AKR1E2: variants seen among roughly 807,000 people sequenced by gnomAD.
AKR1E2 encodes the protein aldo-keto reductase family 1 member E2, also known as 1,5-anhydro-D-fructose reductase.
AKR1E2 carries 43 observed loss-of-function variants against 41.9 expected under a neutral mutation model. The observed-to-expected ratio is 1.03, with a 90% CI of 0.80 to 1.32. AKR1E2 has a LOEUF of 1.32. Ranked by LOEUF, AKR1E2 falls within the 40% of genes most tolerant of loss-of-function variation. AKR1E2 has a pLI of 0.00. For synonymous variants in AKR1E2, 121 were observed against 138.9 expected, an observed-to-expected ratio of 0.87 and a Z score of 0.91; for missense variants, 423 against 396.5, an observed-to-expected ratio of 1.07 and a Z score of -0.57.
At chr10:4,868,209 CAG>C in the AKR1E2 span, among the ~76,000 whole-genome samples, 1 of 152,120 alleles carries the variant, frequency 6.6e-6, no homozygotes, top group East Asian at 1.9e-4. Context: ...TTTTTTCCCA[CAG>C]AGAGAAGTTC....
At position 4,847,317 on chromosome 10, in the gene AKR1E2, T is replaced by G. The variant is rs1834406634; in HGVS notation, c.920+87T>G. 5.0e-6 allele frequency: 8 copies of G among 1,584,942 alleles called. No homozygotes were observed. In the South Asian group the frequency reaches 9.2e-5, roughly 18 times the overall value. ...CTGAATAGGTATTTATCATACACAT[T>G]TTAGATTAATTAAACTTTCTCATTA... is the stretch of plus-strand genomic sequence containing the variant. On this transcript the variant is annotated intron_variant, in intron 9 of 9. Coordinates refer to ENST00000298375, the MANE Select transcript of AKR1E2 (RefSeq NM_001040177.3).
chr10:4,828,566 G>A (rs1832725731), intron 1 of AKR1E2, among the ~76,000 whole-genome samples: 6 of 152,186 alleles, frequency 3.9e-5, no homozygotes, highest in Admixed American at 2.0e-4. Flanking sequence ...TCCACTGTAA[G>A]TTTTAGAACT....
the AKR1E2 span, among the ~76,000 whole-genome samples, chr10:4,869,771 T>G: frequency 6.6e-6 from 1 of 152,096 alleles, no homozygotes; most frequent in Non-Finnish European, 1.5e-5. Flanking sequence ...TGTGGATTAT[T>G]TAGGAGTGTG....
chr10:4,839,931 C>A (rs768648247), intron 6 of AKR1E2, 105 bp downstream of exon 6: 12 of 1,075,722 alleles, frequency 1.1e-5, no homozygotes, highest in Non-Finnish European at 1.4e-5. Context: ...GAGGTTTTGA[C>A]AGGGTGTGGA....
chr10:4,838,824 G>T (rs1309768121), intron 5 of AKR1E2, among the ~76,000 whole-genome samples: 1 of 152,134 alleles, frequency 6.6e-6, no homozygotes, highest in Non-Finnish European at 1.5e-5. Context: ...AGTATTTTTA[G>T]TTGTTCAGCA....
the AKR1E2 span, among the ~76,000 whole-genome samples, chr10:4,867,061 A>G: frequency 1.3e-5 from 2 of 152,196 alleles, no homozygotes; most frequent in Admixed American, 6.5e-5. Flanking sequence ...TCCCCAGGCA[A>G]GAAGGAGGTC....
downstream of AKR1E2, among the ~76,000 whole-genome samples, chr10:4,848,557 A>T (rs1262337568): frequency 2.0e-5 from 3 of 152,212 alleles, no homozygotes; most frequent in Non-Finnish European, 4.4e-5. Flanking sequence ...AAAATGAGTT[A>T]AGCCAGAAAG....
the AKR1E2 span, among the ~76,000 whole-genome samples, chr10:4,869,023 C>G: frequency 2.4e-3 from 361 of 152,084 alleles, 3 homozygotes; most frequent in Non-Finnish European, 3.9e-3. Flanking sequence ...GTTTTTGTCT[C>G]ATTTTCATAT....
chr10:4,847,174 C>T lies in AKR1E2; in HGVS notation c.864C>T (p.His288=), dbSNP rs1489179205. Residue 288 remains histidine, a synonymous_variant, in exon 9 of 10, where the codon CAC becomes CAT. Coordinates refer to ENST00000298375, the MANE Select transcript of AKR1E2 (RefSeq NM_001040177.3). ...TGTTTGATTTTGAATTAACACAGCA[C>T]GATATGGATAACATCCTCAGCCTAA... is the stretch of plus-strand genomic sequence containing the variant. The part of the protein sequence containing the change: ...IQVFDFELTQ[H]DMDNILSLNR... The T allele has an allele frequency of 3.1e-6, 5 of 1,614,148 alleles. No homozygotes were observed. Among genetic ancestry groups the T allele is most frequent in the Non-Finnish European group, 3.4e-6 (4 of 1,180,020 alleles).
At chr10:4,826,011 G>A (rs1832454646), upstream of AKR1E2, among the ~76,000 whole-genome samples, 1 of 152,284 alleles carries the variant, frequency 6.6e-6, no homozygotes, top group Non-Finnish European at 1.5e-5. Context: ...AAATTCCGTC[G>A]TCTATGCCGC....
chr10:4,834,638 A>G (rs1488528857), intron 3 of AKR1E2, among the ~76,000 whole-genome samples: 1 of 152,234 alleles, frequency 6.6e-6, no homozygotes, highest in Non-Finnish European at 1.5e-5. Context: ...AGATGATGAA[A>G]CTAAGATACA....
chr10:4,865,870 A>T, the AKR1E2 span, among the ~76,000 whole-genome samples: 1 of 152,206 alleles, frequency 6.6e-6, no homozygotes, highest in Non-Finnish European at 1.5e-5. Context: ...TATGTTGCTA[A>T]AGAAAAATTG....
chr10:4,829,630 C>G (rs978907097), intron 1 of AKR1E2, among the ~76,000 whole-genome samples: 1 of 151,934 alleles, frequency 6.6e-6, no homozygotes, highest in African/African-American at 2.4e-5. Context: ...AATTATGTAA[C>G]TATTCAAGCT....
At chr10:4,858,821 G>A in the AKR1E2 span, among the ~76,000 whole-genome samples, 33 of 115,564 alleles carry the variant, frequency 2.9e-4, no homozygotes, top group African/African-American at 9.6e-4. Context: ...TAAGGAATTT[G>A]GATTTTTTTT....
intron 8 of AKR1E2, among the ~76,000 whole-genome samples, chr10:4,844,420 A>G (rs1445410326): frequency 6.6e-6 from 1 of 152,222 alleles, no homozygotes; most frequent in Non-Finnish European, 1.5e-5. Flanking sequence ...GAAACAACAA[A>G]GCTTCCGCAG....
chr10:4,858,542 T>C, the AKR1E2 span, among the ~76,000 whole-genome samples: 3 of 152,224 alleles, frequency 2.0e-5, no homozygotes, highest in Non-Finnish European at 2.9e-5. Flanking sequence ...AGCATAGAAC[T>C]ACAGAGAGAA....
At chr10:4,866,633 G>GTTTT in the AKR1E2 span, among the ~76,000 whole-genome samples, 1 of 131,978 alleles carries the variant, frequency 7.6e-6, no homozygotes, top group South Asian at 2.3e-4. Context: ...GCAGAGTTTT[G>GTTTT]TTTTTGTTTT....
intron 8 of AKR1E2, among the ~76,000 whole-genome samples, chr10:4,846,428 G>T (rs1354680058): frequency 6.6e-6 from 1 of 152,178 alleles, no homozygotes; most frequent in Non-Finnish European, 1.5e-5. Flanking sequence ...TGTGATATGG[G>T]TACTGTTAGA....
intron 5 of AKR1E2, among the ~76,000 whole-genome samples, chr10:4,838,007 C>T (rs909878425): frequency 1.3e-5 from 2 of 152,174 alleles, no homozygotes; most frequent in Non-Finnish European, 1.5e-5. Flanking sequence ...GCAGGCACTT[C>T]GTTTTTTTAA....
Sources: allele counts gnomAD v4.1 joint callset (sites outside exome capture counted in the v4.1 genomes callset), GRCh38; gene constraint gnomAD v4.1.1; transcripts MANE v1.5; gene names NCBI Gene and HGNC (gene_info 2026-07-23, HGNC 2026-07-21).